The following PRKAR1A variants were observed in gnomAD, a reference collection of about 807,000 sequenced individuals.
PRKAR1A encodes protein kinase cAMP-dependent type I regulatory subunit alpha.
Under a neutral mutation model 52.0 loss-of-function variants are expected in PRKAR1A, and 3 were observed. That is an observed-to-expected ratio of 0.06 (90% CI 0.03 to 0.15). The LOEUF (loss-of-function observed/expected upper bound fraction) is 0.15, where lower values mean the gene tolerates loss of function less well. Among genes scored for constraint, PRKAR1A ranks in the 10% least tolerant of loss-of-function variants. The probability of loss-of-function intolerance (pLI) is 1.00; values close to 1 mark genes in which losing one functional copy is unlikely to be tolerated. For synonymous variants in PRKAR1A, 188 were observed against 168.4 expected, an observed-to-expected ratio of 1.12 and a Z score of -0.90; for missense variants, 240 against 477.4, an observed-to-expected ratio of 0.50 and a Z score of 4.63.
intron 7 of PRKAR1A, among the ~76,000 whole-genome samples, chr17:68,526,988 G>A (rs1488816660): frequency 6.6e-6 from 1 of 152,160 alleles, no homozygotes; most frequent in African/African-American, 2.4e-5. Context: ...GAAGTGATGT[G>A]ACAGTCTACT....
the PRKAR1A span, among the ~76,000 whole-genome samples, chr17:68,465,833 A>C: frequency 6.6e-6 from 1 of 151,948 alleles, no homozygotes; most frequent in Non-Finnish European, 1.5e-5. Context: ...GCAGACTTGC[A>C]TCTTAGAAAG....
chr17:68,477,715 T>C, the PRKAR1A span, among the ~76,000 whole-genome samples: 1 of 151,446 alleles, frequency 6.6e-6, no homozygotes, highest in Non-Finnish European at 1.5e-5. Context: ...TTTTGGTATA[T>C]CTTCCATTTT....
chr17:68,521,391 AACTAATTTTT>A lies in PRKAR1A; in HGVS notation c.178-1363_178-1354del, dbSNP rs1188530152. 2.0e-5 allele frequency among the ~76,000 whole-genome samples: 3 copies of A among 152,260 alleles called. No homozygotes were observed. The East Asian group carries it at 5.8e-4, about 29-fold the overall frequency. ...ACTACAGGTGTGTGCCACCACGCCCAACTAATTTTTATGTGTTTTTGTAGAGATGAGGTTT... is the reference window on the plus strand; with the variant it reads ...ACTACAGGTGTGTGCCACCACGCCCAATGTGTTTTTGTAGAGATGAGGTTT... On this transcript the variant is annotated intron_variant, in intron 2 of 10. Coordinates refer to ENST00000589228, the MANE Select transcript of PRKAR1A (RefSeq NM_002734.5).
chr17:68,422,155 C>T, the PRKAR1A span: 46 of 232,406 alleles, frequency 2.0e-4, 1 homozygote, highest in African/African-American at 6.6e-4. Flanking sequence ...AGGCTGGGCG[C>T]GGTGGCTCAC....
intron 11 of PRKAR1A, among the ~76,000 whole-genome samples, chr17:68,550,792 G>A (rs1374011210): frequency 2.0e-5 from 3 of 152,220 alleles, no homozygotes; most frequent in Non-Finnish European, 4.4e-5. Context: ...TCAGGCATAA[G>A]GATTTTTAAA....
At chr17:68,509,853 G>C (rs2085239715), upstream of PRKAR1A, among the ~76,000 whole-genome samples, 1 of 152,138 alleles carries the variant, frequency 6.6e-6, no homozygotes, top group African/African-American at 2.4e-5. Context: ...GAGTGTGACT[G>C]ACACAGGAAA....
the PRKAR1A span, among the ~76,000 whole-genome samples, chr17:68,482,328 A>G: frequency 6.6e-6 from 1 of 152,190 alleles, no homozygotes; most frequent in Admixed American, 6.5e-5. Context: ...AGATGTTATT[A>G]CTCTTTGACA....
the PRKAR1A span, among the ~76,000 whole-genome samples, chr17:68,450,255 G>A: frequency 5.3e-5 from 8 of 152,248 alleles, no homozygotes; most frequent in African/African-American, 1.7e-4. Context: ...AGCTGAGGAC[G>A]TGGTGGGAGA....
In PRKAR1A at chr17:68,523,814, A is replaced by G; in HGVS notation, c.438A>G (p.Arg146=). The G allele has an allele frequency of 6.2e-7, 1 of 1,613,466 alleles. No homozygotes were observed. The highest frequency in any genetic ancestry group is 8.5e-7 in the Non-Finnish European group (1 of 1,179,500). Residue 146 remains arginine, a splice_region_variant and synonymous_variant, in exon 4 of 11, where the codon AGA becomes AGG. Transcript: ENST00000589228. ...TTTCACATCTTGATGATAATGAGAG[A>G]AGGTAGGAACAGGCTCTTTCTTAAC... ...VLFSHLDDNE[R]SDIFDAMFSV... is the part of the protein sequence containing the mutation.
chr17:68,494,275 C>T, the PRKAR1A span, among the ~76,000 whole-genome samples: 1 of 152,068 alleles, frequency 6.6e-6, no homozygotes, highest in African/African-American at 2.4e-5. Context: ...TGTGGTGGCT[C>T]ATGCCTGTAA....
chr17:68,466,857 T>A, the PRKAR1A span, among the ~76,000 whole-genome samples: 1 of 152,200 alleles, frequency 6.6e-6, no homozygotes, highest in Admixed American at 6.5e-5. Flanking sequence ...ACCTCCGTTA[T>A]CTGGTTCCAA....
chr17:68,473,374 G>A, the PRKAR1A span, among the ~76,000 whole-genome samples: 12 of 152,040 alleles, frequency 7.9e-5, no homozygotes, highest in Non-Finnish European at 1.6e-4. Flanking sequence ...AGACCTCAAC[G>A]CTCCAGAAAT....
chr17:68,545,563 G>C (rs76813308), intron 11 of PRKAR1A, among the ~76,000 whole-genome samples: 3 of 152,188 alleles, frequency 2.0e-5, no homozygotes, highest in Admixed American at 2.0e-4. Context: ...TCTTTTTGCT[G>C]ACTGACTGGG....
At chr17:68,547,264 C>CATT (rs1032757555) in intron 11 of PRKAR1A, among the ~76,000 whole-genome samples, 10 of 152,060 alleles carry the variant, frequency 6.6e-5, no homozygotes, top group Non-Finnish European at 7.4e-5. Context: ...GAATCTTTAT[C>CATT]ATTATTATTA....
At chr17:68,477,941 G>A in the PRKAR1A span, among the ~76,000 whole-genome samples, 47 of 152,074 alleles carry the variant, frequency 3.1e-4, no homozygotes, top group Middle Eastern at 6.8e-3. Context: ...CGAGCTGGTC[G>A]CAAACTCCTG....
At chr17:68,473,217 T>C in the PRKAR1A span, among the ~76,000 whole-genome samples, 1 of 152,146 alleles carries the variant, frequency 6.6e-6, no homozygotes, top group Non-Finnish European at 1.5e-5. Flanking sequence ...GAGGAAATAT[T>C]AGAATGTCAT....
At chr17:68,503,650 C>G in the PRKAR1A span, among the ~76,000 whole-genome samples, 1 of 152,070 alleles carries the variant, frequency 6.6e-6, no homozygotes, top group Non-Finnish European at 1.5e-5. Flanking sequence ...CATATGGAGA[C>G]AGAATATACA....
chr17:68,457,162 T>G, the PRKAR1A span, among the ~76,000 whole-genome samples: 1 of 148,662 alleles, frequency 6.7e-6, no homozygotes, highest in Admixed American at 6.7e-5. Flanking sequence ...GGGTGGGGGG[T>G]GCGGCAAACC....
Position 68,527,821 on chromosome 17 carries a change from T to C in PRKAR1A, c.709-19T>C, listed in dbSNP as rs747422149. 1.3e-6 allele frequency: 2 copies of C among 1,590,572 alleles called. No homozygotes were observed. The highest frequency in any genetic ancestry group is 1.7e-5 in the Admixed American group (1 of 59,976). ...ATTACACGTCTTGGGGATATCACTT[T>C]TGTTATTTTTATTTTTAGGGAAGCA... On this transcript the variant is annotated intron_variant, in intron 7 of 10. Coordinates refer to ENST00000589228, the MANE Select transcript of PRKAR1A (RefSeq NM_002734.5).
Sources: gnomAD v4.1 joint callset for allele counts (sites outside exome capture counted in the v4.1 genomes callset) on GRCh38, gnomAD v4.1.1 for gene constraint, MANE v1.5 for transcripts, NCBI Gene and HGNC (gene_info 2026-07-23, HGNC 2026-07-21) for gene names.